Variants in TECPR2 observed in about 807,000 individuals in gnomAD.
TECPR2 encodes tectonin beta-propeller repeat containing 2, also known as tectonin beta-propeller repeat-containing protein 2.
TECPR2 carries 65 observed loss-of-function variants against 138.1 expected under a neutral mutation model. That is an observed-to-expected ratio of 0.47 (90% CI 0.39 to 0.58). The LOEUF (loss-of-function observed/expected upper bound fraction) is 0.58. Among genes scored for constraint, TECPR2 ranks in the 20% least tolerant of loss-of-function variants. The probability of loss-of-function intolerance (pLI) is 0.00; values close to 1 mark genes in which losing one functional copy is unlikely to be tolerated. For missense variants in TECPR2, 1,553 were observed against 1,824.5 expected, an observed-to-expected ratio of 0.85 and a Z score of 2.71; for synonymous variants, 746 against 749.8, an observed-to-expected ratio of 0.99 and a Z score of 0.08.
chr14:102,465,742 C>G (rs1474149362), intron 17 of TECPR2: 3 of 752,828 alleles, frequency 4.0e-6, no homozygotes, highest in South Asian at 6.0e-5. Flanking sequence ...GTCCAGCCCA[C>G]TGCTGGCCAG....
chr14:102,498,022 C>CGCCCAAGCTCCCAGCTCCATCTGT lies in TECPR2; in HGVS notation c.4082-75_4082-52dup, dbSNP rs146599191. ...CTAGAATGTGGCAAGCCCAGACCTGCGCCCAAGCTCCCAGCTCCATCTGTG... is the reference window on the plus strand; with the variant it reads ...CTAGAATGTGGCAAGCCCAGACCTGCGCCCAAGCTCCCAGCTCCATCTGTGCCCAAGCTCCCAGCTCCATCTGTG... On this transcript the variant is annotated intron_variant, in intron 19 of 19. Coordinates refer to ENST00000359520, the MANE Select transcript of TECPR2 (RefSeq NM_014844.5). 427,476 of 1,506,222 alleles carry CGCCCAAGCTCCCAGCTCCATCTGT rather than the reference C, an allele frequency of 0.28. 65,310 individuals carry two copies. Among genetic ancestry groups the CGCCCAAGCTCCCAGCTCCATCTGT allele is most frequent in the Non-Finnish European group, 0.31 (346,063 of 1,114,636 alleles). 93.3% of individuals were successfully genotyped at this position (1,506,222 alleles called of 1,614,324 possible). A position where few individuals can be genotyped will look rare whatever the true frequency, so the allele number is the denominator to read the frequency against.
At chr14:102,471,712 CTAA>C (rs574743029) in intron 17 of TECPR2, among the ~76,000 whole-genome samples, 4 of 151,698 alleles carry the variant, frequency 2.6e-5, no homozygotes, top group African/African-American at 2.4e-5. Context: ...GAGCACAACG[CTAA>C]TAATAATAAT....
At chr14:102,459,332 C>G (rs72700625) in intron 16 of TECPR2, among the ~76,000 whole-genome samples, 3,770 of 152,260 alleles carry the variant, frequency 0.025, 90 homozygotes, top group South Asian at 0.097. Flanking sequence ...TACTGGTAGT[C>G]AAAGATAAAA....
chr14:102,435,144 C>G lies in TECPR2; in HGVS notation c.2327C>G (p.Pro776Arg), dbSNP rs1567340418. Reference protein sequence around the residue: ...SSETSVTELGPSCSQQDLSRL... With the variant: ...SSETSVTELGRSCSQQDLSRL... ...GAGACGAGTGTGACAGAGCTCGGAC[C>G]TAGTTGCTCCCAGCAGGACCTGAGC... The change falls in exon 9 of 20, where the codon CCT becomes CGT. Residue 776 changes from proline to arginine, a missense_variant. Pro to Arg is a moderately radical substitution (Grantham distance 103). Transcript: ENST00000359520. 1 of 1,613,316 alleles carries G rather than the reference C, an allele frequency of 6.2e-7. No individual in the cohort carries two copies. Among genetic ancestry groups the G allele is most frequent in the South Asian group, 1.1e-5 (1 of 91,076 alleles).
chr14:102,484,619 A>G (rs1181083957), intron 17 of TECPR2, among the ~76,000 whole-genome samples: 1 of 152,052 alleles, frequency 6.6e-6, no homozygotes, highest in East Asian at 1.9e-4. Context: ...CCAGAATTGT[A>G]TGGCTGCTTC....
intron 9 of TECPR2, among the ~76,000 whole-genome samples, chr14:102,437,381 T>C (rs1211498646): frequency 6.6e-6 from 1 of 152,144 alleles, no homozygotes; most frequent in African/African-American, 2.4e-5. Context: ...ACCCCGTCTC[T>C]ACTAAAAATA....
Position 102,363,043 on chromosome 14 carries a change from C to T in TECPR2, c.-146C>T, listed in dbSNP as rs1216840739. 4.1e-5 allele frequency: 27 copies of T among 653,844 alleles called. No homozygotes were observed. In the East Asian group the frequency reaches 7.4e-4, roughly 18 times the overall value. The allele number at this position is 653,844 out of a possible 1,614,324, so 40.5% of individuals were successfully genotyped here. A position where few individuals can be genotyped will look rare whatever the true frequency, so the allele number is the denominator to read the frequency against. ...GCCCAGGGAACAGGCTCCCGGCAGC[C>T]CCCGCGGCCCGGAGTCCATCCCGCC... On this transcript the variant is annotated 5_prime_UTR_variant, in exon 1 of 20. Transcript: ENST00000359520.
In TECPR2 at chr14:102,419,614, G is replaced by T. The variant is rs72700606; in HGVS notation, c.638+4821G>T. On this transcript the variant is annotated intron_variant, in intron 5 of 19. Transcript: ENST00000359520. This position sits in a 1 kb window ranked among gnomAD's most constrained non-coding sequence, Gnocchi z 4.8. The stretch of plus-strand genomic sequence containing the variant: ...GGGCAGGGCACTGAGCACAGGGCAG[G>T]TGCAGGCAGGTCAGGAGGCCCAGAG... 4.2e-3 allele frequency among the ~76,000 whole-genome samples: 637 copies of T among 152,240 alleles called. 5 individuals carry two copies. Among genetic ancestry groups the T allele is most frequent in the Non-Finnish European group, 7.3e-3 (497 of 68,006 alleles).
intron 17 of TECPR2, among the ~76,000 whole-genome samples, chr14:102,475,407 G>C (rs566740583): frequency 6.6e-6 from 1 of 152,216 alleles, no homozygotes; most frequent in East Asian, 1.9e-4. Flanking sequence ...CAGGTGGCCT[G>C]GTCAGACCAT....
At chr14:102,449,290 T>A (rs1333302681) in intron 13 of TECPR2, among the ~76,000 whole-genome samples, 1 of 152,232 alleles carries the variant, frequency 6.6e-6, no homozygotes, top group Non-Finnish European at 1.5e-5. Context: ...AGAATGAAAG[T>A]CTTCTTAGAA....
intron 17 of TECPR2, among the ~76,000 whole-genome samples, chr14:102,492,026 T>C (rs1891170922): frequency 6.6e-6 from 1 of 152,158 alleles, no homozygotes; most frequent in African/African-American, 2.4e-5. Flanking sequence ...TGGTGTACCA[T>C]GGAACCCAGT....
At chr14:102,411,299 C>T (rs1888848840) in intron 4 of TECPR2, among the ~76,000 whole-genome samples, 1 of 152,228 alleles carries the variant, frequency 6.6e-6, no homozygotes, top group African/African-American at 2.4e-5. Context: ...TGTCAGGCCT[C>T]TGAGCCCAAG....
intron 17 of TECPR2, among the ~76,000 whole-genome samples, chr14:102,482,838 CTTTTTT>C (rs758301929): frequency 1.1e-4 from 11 of 96,568 alleles, no homozygotes; most frequent in African/African-American, 2.4e-4. Context: ...AGAAGCCTTT[CTTTTTT>C]TTTTTTTTTT....
chr14:102,468,381 G>T lies in TECPR2; in HGVS notation c.3789+3092G>T, dbSNP rs183875702. ...TTTTGTATTTTTAGTAGAGATGGGGGTTTCACCATGTTGGCCAGGCTGGTC... is the reference window on the plus strand; with the variant it reads ...TTTTGTATTTTTAGTAGAGATGGGGTTTTCACCATGTTGGCCAGGCTGGTC... On this transcript the variant is annotated intron_variant, in intron 17 of 19. Transcript: ENST00000359520. Among the ~76,000 whole-genome samples the T allele has an allele frequency of 8.5e-4, 130 of 152,090 alleles. 1 individual carries two copies. Among genetic ancestry groups the T allele is most frequent in the African/African-American group, 3.0e-3 (126 of 41,476 alleles).
At chr14:102,409,248 T>G (rs1293875128) in intron 4 of TECPR2, among the ~76,000 whole-genome samples, 1 of 152,000 alleles carries the variant, frequency 6.6e-6, no homozygotes, top group African/African-American at 2.4e-5. Context: ...GGTGGCACAG[T>G]CCTTTCTTTT....
Position 102,443,525 on chromosome 14 carries a change from C to A in TECPR2, c.2753-122C>A. On this transcript the variant is annotated intron_variant, in intron 11 of 19. Coordinates refer to ENST00000359520, the MANE Select transcript of TECPR2 (RefSeq NM_014844.5). This position sits in a 1 kb window ranked among gnomAD's most constrained non-coding sequence, Gnocchi z 4.9. ...AATTAATTAAAGTTTTTTTTTAAAGCACTCATCATAAAAGAATATAGCAAA... is the reference window on the plus strand; with the variant it reads ...AATTAATTAAAGTTTTTTTTTAAAGAACTCATCATAAAAGAATATAGCAAA... 2 of 866,794 alleles carry A rather than the reference C, an allele frequency of 2.3e-6. No individual in the cohort carries two copies. Among genetic ancestry groups the A allele is most frequent in the Non-Finnish European group, 3.1e-6 (2 of 640,404 alleles). The allele number at this position is 866,794 out of a possible 1,614,324, so 53.7% of individuals were successfully genotyped here.
Position 102,435,129 on chromosome 14 carries a change from T to A in TECPR2, c.2312T>A (p.Val771Glu), listed in dbSNP as rs1555451565. ...CCTTCTTCATCCTCAGAGACGAGTG[T>A]GACAGAGCTCGGACCTAGTTGCTCC... ...GLPSSSSETS[V>E]TELGPSCSQQ... The change falls in exon 9 of 20, where the codon GTG (valine) becomes GAG (glutamate). Residue 771 changes from valine to glutamate, a missense_variant. Val to Glu is a moderately radical substitution (Grantham distance 121). Transcript: ENST00000359520. 1.9e-6 allele frequency: 3 copies of A among 1,613,544 alleles called. No individual in the cohort carries two copies. In the African/African-American group the frequency reaches 4.0e-5, roughly 22 times the overall value.
rs752640443 is a variant in TECPR2 at position 102,431,923 on chromosome 14, C to T, written c.1212C>T (p.Ser404=). 1.4e-5 allele frequency: 22 copies of T among 1,610,600 alleles called. No individual in the cohort carries two copies. Among genetic ancestry groups the T allele is most frequent in the East Asian group, 4.5e-5 (2 of 44,790 alleles). ...RGSSMASSVA[S]EPRSRSSSLN... ...CTTCCATGGCCAGCTCCGTGGCCAG[C>T]GAGCCAAGGAGCAGGAGCAGCTCGC... Residue 404 remains serine, a synonymous_variant, in exon 8 of 20, where the codon AGC becomes AGT. Transcript: ENST00000359520.
intron 12 of TECPR2, among the ~76,000 whole-genome samples, chr14:102,445,023 GA>G (rs1889933922): frequency 6.6e-6 from 1 of 152,228 alleles, no homozygotes; most frequent in African/African-American, 2.4e-5. Flanking sequence ...CAAGAGGGCT[GA>G]GACTGGCCCT....
Sources: gnomAD v4.1 joint callset for allele counts (sites outside exome capture counted in the v4.1 genomes callset) on GRCh38, gnomAD v4.1.1 for gene constraint, Gnocchi (gnomAD v3.1) non-coding constraint, MANE v1.5 for transcripts, NCBI Gene and HGNC (gene_info 2026-07-23, HGNC 2026-07-21) for gene names.